PTPRT: variants seen among roughly 807,000 people sequenced by gnomAD.
The protein encoded by PTPRT is protein tyrosine phosphatase receptor type T, also known as receptor-type tyrosine-protein phosphatase T.
PTPRT carries 56 observed loss-of-function variants against 176.8 expected under a neutral mutation model. The observed-to-expected ratio is 0.32, with a 90% CI of 0.26 to 0.40. The LOEUF is 0.40. Ranked by LOEUF, PTPRT falls within the 10% of genes least tolerant of loss-of-function variation. PTPRT has a pLI of 1.00. For synonymous variants in PTPRT, 783 were observed against 739.0 expected (o/e 1.06, Z -0.96); for missense variants, 1,540 against 1,908.2 (o/e 0.81, Z 3.60).
At chr20:42,264,957 A>C (rs2056813892) in intron 13 of PTPRT, among the ~76,000 whole-genome samples, 1 of 152,166 alleles carries the variant, frequency 6.6e-6, no homozygotes, top group Non-Finnish European at 1.5e-5. Flanking sequence ...GAATCTTACC[A>C]ATGGTCAGCT....
intron 7 of PTPRT, among the ~76,000 whole-genome samples, chr20:42,554,121 T>C (rs1167323790): frequency 6.6e-6 from 1 of 152,040 alleles, no homozygotes; most frequent in East Asian, 1.9e-4. Flanking sequence ...GAGAAAAGAG[T>C]CCGTAATTGC....
intron 6 of PTPRT, among the ~76,000 whole-genome samples, chr20:42,725,417 G>C (rs949609899): frequency 2.6e-5 from 4 of 151,900 alleles, no homozygotes; most frequent in African/African-American, 9.7e-5. Flanking sequence ...ATCTCAGGTG[G>C]GATTGGAAGA....
chr20:42,729,568 AC>A (rs2076430260), intron 6 of PTPRT, among the ~76,000 whole-genome samples: 1 of 152,196 alleles, frequency 6.6e-6, no homozygotes, highest in Non-Finnish European at 1.5e-5. Context: ...CATGACTCTC[AC>A]AATCTCCTTC....
At chr20:42,552,686 T>C (rs1381051672) in intron 7 of PTPRT, among the ~76,000 whole-genome samples, 1 of 152,144 alleles carries the variant, frequency 6.6e-6, no homozygotes, top group Non-Finnish European at 1.5e-5. Flanking sequence ...ATATTTGCCA[T>C]GCATAGAACC....
chr20:42,206,752 C>A (rs1226348479), intron 15 of PTPRT, among the ~76,000 whole-genome samples: 1 of 152,236 alleles, frequency 6.6e-6, no homozygotes, highest in Admixed American at 6.5e-5. Context: ...ACAAAGCAGC[C>A]CGGAAGCTCG....
At chr20:42,840,520 C>A (rs762318624) in intron 2 of PTPRT, among the ~76,000 whole-genome samples, 2 of 152,110 alleles carry the variant, frequency 1.3e-5, no homozygotes, top group Non-Finnish European at 2.9e-5. Context: ...TCAAGCAATT[C>A]TCCTGCGTCA....
At chr20:42,564,601 A>G (rs2073008599) in intron 7 of PTPRT, among the ~76,000 whole-genome samples, 1 of 152,100 alleles carries the variant, frequency 6.6e-6, no homozygotes, top group Admixed American at 6.5e-5. Flanking sequence ...GGACAAGGGA[A>G]GGGAGAGCAT....
chr20:42,612,635 C>A (rs1288255880), intron 7 of PTPRT, among the ~76,000 whole-genome samples: 5 of 152,112 alleles, frequency 3.3e-5, no homozygotes, highest in Non-Finnish European at 4.4e-5. Context: ...CAGTAGTAGA[C>A]AGCTGTCTGC....
At chr20:42,543,712 C>T (rs6065506) in intron 7 of PTPRT, among the ~76,000 whole-genome samples, 1 of 151,590 alleles carries the variant, frequency 6.6e-6, no homozygotes, top group African/African-American at 2.4e-5. Flanking sequence ...GCAGCTGTAG[C>T]CTTACAAAAT....
chr20:42,795,592 T>A (rs1350251951), intron 2 of PTPRT, among the ~76,000 whole-genome samples: 1 of 152,220 alleles, frequency 6.6e-6, no homozygotes, highest in Non-Finnish European at 1.5e-5. Context: ...CTCAGCATGG[T>A]CCCTGCAGAC....
In PTPRT at chr20:42,681,057, TG is replaced by T. The variant is rs547567356; in HGVS notation, c.860-2899del. Among the ~76,000 whole-genome samples, 15 of 152,344 alleles carry T rather than the reference TG, an allele frequency of 9.8e-5. No individual in the cohort carries two copies. The East Asian group carries it at 2.9e-3, about 29-fold the overall frequency. ...TTTCAGTGATCCATTGATTCATAAT[TG>T]GCATTGTTTAGAAGGCACAGGTACT... is the stretch of plus-strand genomic sequence containing the variant. On this transcript the variant is annotated intron_variant, in intron 6 of 30. Transcript: ENST00000373187.
At chr20:42,877,102 G>A (rs2078945428) in intron 2 of PTPRT, among the ~76,000 whole-genome samples, 1 of 152,042 alleles carries the variant, frequency 6.6e-6, no homozygotes, top group Admixed American at 6.5e-5. Flanking sequence ...CTGGAATATT[G>A]AGAAGCTCAT....
intron 1 of PTPRT, among the ~76,000 whole-genome samples, chr20:43,065,861 T>C (rs2011107767): frequency 6.6e-6 from 1 of 151,884 alleles, no homozygotes. Context: ...GGCAGACCTC[T>C]CATTTTACAG....
rs961160986 is a variant in PTPRT, at chr20:42,912,507, CTTAA to C, written c.89-26579_89-26576del. Among the ~76,000 whole-genome samples, 32 of 152,218 alleles carry C rather than the reference CTTAA, an allele frequency of 2.1e-4. No individual in the cohort carries two copies. In the East Asian group the frequency reaches 4.4e-3, roughly 21 times the overall value. ...ACATTTCTCTAGTTTCTTTTAACCT[CTTAA>C]TTATTTTTGGTACATGTACATTGTT... On this transcript the variant is annotated intron_variant, in intron 1 of 30. Transcript: ENST00000373187.
chr20:42,240,825 A>T (rs1471049093), intron 14 of PTPRT, among the ~76,000 whole-genome samples: 1 of 152,226 alleles, frequency 6.6e-6, no homozygotes, highest in African/African-American at 2.4e-5. Flanking sequence ...TCAAGTACAG[A>T]TAGAAAGACA....
At chr20:42,631,438 C>T (rs1187811753) in intron 7 of PTPRT, among the ~76,000 whole-genome samples, 1 of 152,014 alleles carries the variant, frequency 6.6e-6, no homozygotes, top group Non-Finnish European at 1.5e-5. Flanking sequence ...TGTTATGTTC[C>T]CTGAGAAGCA....
chr20:42,427,983 CT>C lies in PTPRT; in HGVS notation c.1560+20236del, dbSNP rs563233783. ...CAAATCCTATAAAATGGCCCCACCC[CT>C]ATCTCCCTTCTCTGACTCTCTTTTG... On this transcript the variant is annotated intron_variant, in intron 9 of 30. Coordinates refer to ENST00000373187, the MANE Select transcript of PTPRT (RefSeq NM_007050.6). Among the ~76,000 whole-genome samples the C allele has an allele frequency of 3.9e-4, 60 of 152,340 alleles. No individual in the cohort carries two copies. In the East Asian group the frequency reaches 9.7e-3, roughly 25 times the overall value.
At chr20:42,363,170 T>C (rs1227192444) in intron 9 of PTPRT, among the ~76,000 whole-genome samples, 1 of 136,076 alleles carries the variant, frequency 7.3e-6, no homozygotes, top group Non-Finnish European at 1.6e-5. Context: ...AAATGTGCAC[T>C]AAGTCTCATT....
intron 12 of PTPRT, among the ~76,000 whole-genome samples, chr20:42,283,585 T>C (rs1411354850): frequency 2.0e-5 from 3 of 151,922 alleles, no homozygotes; most frequent in Non-Finnish European, 2.9e-5. Context: ...AGGGGTGAGA[T>C]TGGGGGTGAT....
Sources: allele counts gnomAD v4.1 joint callset (sites outside exome capture counted in the v4.1 genomes callset), GRCh38; gene constraint gnomAD v4.1.1; transcripts MANE v1.5; gene names NCBI Gene and HGNC (gene_info 2026-07-23, HGNC 2026-07-21).